The following MITF variants were observed in gnomAD, a reference collection of about 807,000 sequenced individuals.
MITF encodes melanocyte inducing transcription factor.
In MITF, 17 loss-of-function variants were observed where a neutral mutation model predicts 60.5. That is an observed-to-expected ratio of 0.28 (90% CI 0.19 to 0.42). The LOEUF (loss-of-function observed/expected upper bound fraction) is 0.42. MITF is among the 10% of genes least tolerant of loss of function. The pLI is 1.00. For missense variants in MITF, 622 were observed against 683.5 expected (o/e 0.91, Z 1.00); for synonymous variants, 260 against 248.5 (o/e 1.05, Z -0.43).
chr3:69,876,875 G>C (rs2064366005), intron 1 of MITF, among the ~76,000 whole-genome samples: 1 of 152,072 alleles, frequency 6.6e-6, no homozygotes. Context: ...TTAAATTAGT[G>C]TCTAGAGGCA....
At chr3:69,874,021 T>A (rs554832488) in intron 1 of MITF, among the ~76,000 whole-genome samples, 1 of 152,312 alleles carries the variant, frequency 6.6e-6, no homozygotes, top group Non-Finnish European at 1.5e-5. Context: ...TGACATAGGT[T>A]TCTCCTTTGC....
At chr3:69,958,717 T>C (rs910537935) in intron 8 of MITF, among the ~76,000 whole-genome samples, 6 of 152,186 alleles carry the variant, frequency 3.9e-5, no homozygotes, top group Non-Finnish European at 2.9e-5. Flanking sequence ...ACATAGTGTT[T>C]AAGGAAACTG....
chr3:69,809,090 T>A (rs892587393), intron 1 of MITF, among the ~76,000 whole-genome samples: 3 of 151,954 alleles, frequency 2.0e-5, no homozygotes, highest in African/African-American at 7.3e-5. Context: ...AACTTAAGAG[T>A]TTGGAAACAG....
chr3:69,760,487 G>A (rs1488571309), intron 1 of MITF, among the ~76,000 whole-genome samples: 1 of 152,222 alleles, frequency 6.6e-6, no homozygotes, highest in East Asian at 1.9e-4. Context: ...GCAGCGTATG[G>A]ACTGTAGACT....
intron 1 of MITF, among the ~76,000 whole-genome samples, chr3:69,872,609 A>T (rs1016693392): frequency 1.1e-4 from 17 of 152,060 alleles, no homozygotes; most frequent in African/African-American, 4.1e-4. Context: ...TTTGGTATGG[A>T]TTTTTGGAGA....
chr3:69,811,192 AAGG>A (rs2063095180), intron 1 of MITF, among the ~76,000 whole-genome samples: 1 of 152,158 alleles, frequency 6.6e-6, no homozygotes, highest in Admixed American at 6.6e-5. Flanking sequence ...AAAAGCTCCT[AAGG>A]TAATTCTATT....
At chr3:69,945,052 G>C (rs894766201) in intron 5 of MITF, among the ~76,000 whole-genome samples, 2 of 152,092 alleles carry the variant, frequency 1.3e-5, no homozygotes, top group Non-Finnish European at 2.9e-5. Flanking sequence ...TTGAAGTCTA[G>C]AAATAACTAT....
chr3:69,869,426 G>T (rs2064180012), intron 1 of MITF, among the ~76,000 whole-genome samples: 1 of 152,070 alleles, frequency 6.6e-6, no homozygotes, highest in African/African-American at 2.4e-5. Context: ...ATTTGAAGGA[G>T]ATTTTCTGTA....
intron 1 of MITF, chr3:69,866,133 C>A: frequency 7.1e-7 from 1 of 1,402,946 alleles, no homozygotes. Context: ...TCTGCTGTTG[C>A]AGACAGAAAC....
chr3:69,956,422 A>C, intron 7 of MITF, 33 bp from the exon 8 acceptor site: 2 of 1,552,600 alleles, frequency 1.3e-6, no homozygotes, highest in African/African-American at 2.7e-5. Flanking sequence ...TGGCACTGTT[A>C]CTAATAGCCT....
intron 2 of MITF, among the ~76,000 whole-genome samples, chr3:69,915,055 C>T (rs982893412): frequency 3.3e-5 from 5 of 152,132 alleles, no homozygotes; most frequent in Non-Finnish European, 7.4e-5. Context: ...AAACACCTTA[C>T]GAGAAGTGTA....
At chr3:69,777,205 A>T (rs112003584) in intron 1 of MITF, among the ~76,000 whole-genome samples, 53 of 152,324 alleles carry the variant, frequency 3.5e-4, no homozygotes, top group African/African-American at 1.3e-3. Context: ...GTCATCATAT[A>T]AACTGTGTTT....
intron 2 of MITF, among the ~76,000 whole-genome samples, chr3:69,888,742 C>T (rs568921579): frequency 1.2e-4 from 18 of 152,210 alleles, no homozygotes; most frequent in Middle Eastern, 6.8e-3. Flanking sequence ...GATGGAAATG[C>T]GCCCTCTTGT....
intron 2 of MITF, among the ~76,000 whole-genome samples, chr3:69,925,364 A>T (rs2065562414): frequency 6.6e-6 from 1 of 152,134 alleles, no homozygotes; most frequent in South Asian, 2.1e-4. Context: ...TCGTATTCTT[A>T]GCTGTGTGTC....
intron 5 of MITF, among the ~76,000 whole-genome samples, chr3:69,941,740 G>A (rs1350213773): frequency 1.3e-5 from 2 of 152,116 alleles, no homozygotes; most frequent in African/African-American, 2.4e-5. Flanking sequence ...AGGTGATAGA[G>A]GGACATTGGA....
intron 1 of MITF, among the ~76,000 whole-genome samples, chr3:69,777,361 T>C (rs1385939845): frequency 6.6e-6 from 1 of 152,232 alleles, no homozygotes; most frequent in African/African-American, 2.4e-5. Flanking sequence ...TTTTCCACTT[T>C]AGTCATTTGG....
intron 1 of MITF, among the ~76,000 whole-genome samples, chr3:69,843,967 C>A (rs1575806080): frequency 6.6e-6 from 1 of 152,260 alleles, no homozygotes; most frequent in East Asian, 1.9e-4. Context: ...TTGTTCAACT[C>A]CCACTTACGA....
intron 6 of MITF, among the ~76,000 whole-genome samples, chr3:69,949,816 T>C (rs2107513282): frequency 6.6e-6 from 1 of 152,314 alleles, no homozygotes; most frequent in East Asian, 1.9e-4. Context: ...GCGGAAACTA[T>C]ATTAGAACTG....
At chr3:69,909,781 A>G (rs1352601878) in intron 2 of MITF, among the ~76,000 whole-genome samples, 1 of 152,208 alleles carries the variant, frequency 6.6e-6, no homozygotes, top group African/African-American at 2.4e-5. Flanking sequence ...GCAGCAAAGT[A>G]TTCAAAAGGT....
Sources: gnomAD v4.1 joint callset for allele counts (sites outside exome capture counted in the v4.1 genomes callset) on GRCh38, gnomAD v4.1.1 for gene constraint, MANE v1.5 for transcripts, NCBI Gene and HGNC (gene_info 2026-07-23, HGNC 2026-07-21) for gene names.